The following RFTN1 variants were observed in gnomAD, a reference collection of about 807,000 sequenced individuals.
RFTN1 encodes raftlin.
RFTN1 carries 26 observed loss-of-function variants against 46.5 expected under a neutral mutation model. The ratio of observed to expected loss-of-function variants is 0.56; its 90% CI spans 0.41 to 0.78. The LOEUF (loss-of-function observed/expected upper bound fraction) is 0.78, where lower values mean the gene tolerates loss of function less well. Among genes scored for constraint, RFTN1 ranks in the 30% least tolerant of loss-of-function variants. RFTN1 has a pLI of 0.00. For missense variants in RFTN1, 693 were observed against 718.7 expected (o/e 0.96, Z 0.41); for synonymous variants, 261 against 284.2 (o/e 0.92, Z 0.82).
At position 16,448,603 on chromosome 3, in the gene RFTN1, T is replaced by G. The variant is rs1184259053; in HGVS notation, c.146-14566A>C. ...CTATTCCAAATTGGAGGAAAAAAAG[T>G]ACAACTTTTTACTGCCTTCATGTTT... On this transcript the variant is annotated intron_variant, in intron 2 of 9. Transcript: ENST00000334133. This position sits in a 1 kb window ranked among gnomAD's most constrained non-coding sequence, Gnocchi z 4.1. Among the ~76,000 whole-genome samples the G allele has an allele frequency of 6.6e-6, 1 of 152,148 alleles. No homozygotes were observed. The highest frequency in any genetic ancestry group is 1.9e-4 in the East Asian group (1 of 5,206).
chr3:16,390,656 A>C (rs368706724), intron 4 of RFTN1, among the ~76,000 whole-genome samples: 1 of 152,258 alleles, frequency 6.6e-6, no homozygotes, highest in Non-Finnish European at 1.5e-5. Flanking sequence ...CCCAGGCACC[A>C]TCAGAGTCAG....
Position 16,336,167 on chromosome 3 carries a change from C to T in RFTN1, c.1147-9291G>A, listed in dbSNP as rs372593917. ...GTGGAAGGCAGATGCTGGAACACGG[C>T]GGGCAGTGTTGCAGAAAACTCCACG... On this transcript the variant is annotated intron_variant, in intron 7 of 9. Transcript: ENST00000334133. The surrounding 1 kb of genome is among the most constrained non-coding windows in gnomAD (Gnocchi z 6.0). 6.4e-4 allele frequency among the ~76,000 whole-genome samples: 98 copies of T among 152,316 alleles called. No individual in the cohort carries two copies. The highest frequency in any genetic ancestry group is 1.4e-3 in the Admixed American group (22 of 15,302).
chr3:16,338,327 C>A lies in RFTN1; in HGVS notation c.1147-11451G>T, dbSNP rs531919317. 1.2e-4 allele frequency among the ~76,000 whole-genome samples: 18 copies of A among 152,330 alleles called. No individual in the cohort carries two copies. The highest frequency in any genetic ancestry group is 2.4e-4 in the Non-Finnish European group (16 of 68,026). ...CTGATCACAGGGAAGGTAATGAGGC[C>A]GGACATGCGGCGGCTAAGGGGCGAT... is the stretch of plus-strand genomic sequence containing the variant. On this transcript the variant is annotated intron_variant, in intron 7 of 9. Transcript: ENST00000334133. This position sits in a 1 kb window ranked among gnomAD's most constrained non-coding sequence, Gnocchi z 5.3.
At chr3:16,439,791 C>A (rs1282661346) in intron 2 of RFTN1, among the ~76,000 whole-genome samples, 1 of 152,164 alleles carries the variant, frequency 6.6e-6, no homozygotes, top group Non-Finnish European at 1.5e-5. Context: ...ACTAGGGATT[C>A]TGGGCTAACT....
chr3:16,331,349 A>G (rs2070293141), intron 7 of RFTN1, among the ~76,000 whole-genome samples: 1 of 152,240 alleles, frequency 6.6e-6, no homozygotes, highest in South Asian at 2.1e-4. Context: ...GTGCTCCCAT[A>G]AACATTTCTT....
rs9810456 is a variant in RFTN1, at chr3:16,407,628, T to C, written c.441+1747A>G. 6.3e-3 allele frequency among the ~76,000 whole-genome samples: 956 copies of C among 152,324 alleles called. 14 individuals are homozygous for C. The highest frequency in any genetic ancestry group is 0.022 in the African/African-American group (900 of 41,572). On this transcript the variant is annotated intron_variant, in intron 4 of 9. Transcript: ENST00000334133. This position sits in a 1 kb window ranked among gnomAD's most constrained non-coding sequence, Gnocchi z 4.0. Reference sequence around the variant, plus strand: ...CATTTCTAAAATGATTTTTTCCTGGTATTCGGATCATAGGGTAAATTCCAC... The same window carrying C: ...CATTTCTAAAATGATTTTTTCCTGGCATTCGGATCATAGGGTAAATTCCAC...
chr3:16,327,188 A>G lies in RFTN1; in HGVS notation c.1147-312T>C, dbSNP rs536112781. Among the ~76,000 whole-genome samples, 3 of 152,316 alleles carry G rather than the reference A, an allele frequency of 2.0e-5. No individual in the cohort carries two copies. The highest frequency in any genetic ancestry group is 7.2e-5 in the African/African-American group (3 of 41,572). Reference sequence around the variant, plus strand: ...CTCCTGTGAGTTTCACTGACGAAGCATAACTGTCTCACCTCTGAGCGGTAT... The same window carrying G: ...CTCCTGTGAGTTTCACTGACGAAGCGTAACTGTCTCACCTCTGAGCGGTAT... On this transcript the variant is annotated intron_variant, in intron 7 of 9. Transcript: ENST00000334133. This position sits in a 1 kb window ranked among gnomAD's most constrained non-coding sequence, Gnocchi z 4.2.
intron 1 of RFTN1, among the ~76,000 whole-genome samples, chr3:16,497,279 C>G (rs536497804): frequency 2.6e-5 from 4 of 152,162 alleles, no homozygotes; most frequent in Non-Finnish European, 4.4e-5. Context: ...CCAACAATAA[C>G]GTGAGGATGG....
chr3:16,446,427 C>T lies in RFTN1; in HGVS notation c.146-12390G>A, dbSNP rs1292529818. 1.3e-5 allele frequency among the ~76,000 whole-genome samples: 2 copies of T among 152,044 alleles called. No homozygotes were observed. The highest frequency in any genetic ancestry group is 1.9e-4 in the East Asian group (1 of 5,186). Reference sequence around the variant, plus strand: ...ATCTCCAGGAAATCTTCATCGGCCTCATCTCTCGGTCCACGTCCAACAAGC... The same window carrying T: ...ATCTCCAGGAAATCTTCATCGGCCTTATCTCTCGGTCCACGTCCAACAAGC... On this transcript the variant is annotated intron_variant, in intron 2 of 9. Coordinates refer to ENST00000334133, the MANE Select transcript of RFTN1 (RefSeq NM_015150.2). This position sits in a 1 kb window ranked among gnomAD's most constrained non-coding sequence, Gnocchi z 4.5.
intron 4 of RFTN1, among the ~76,000 whole-genome samples, chr3:16,395,969 A>C (rs2074458121): frequency 6.6e-6 from 1 of 152,212 alleles, no homozygotes; most frequent in African/African-American, 2.4e-5. Flanking sequence ...TGTTGAAAAG[A>C]TACTATTTTG....
rs998505090 is a variant in RFTN1 at position 16,362,197 on chromosome 3, T to C, written c.1031-4150A>G. Among the ~76,000 whole-genome samples the C allele has an allele frequency of 2.0e-4, 30 of 152,168 alleles. 1 individual carries two copies. The highest frequency in any genetic ancestry group is 7.2e-4 in the African/African-American group (30 of 41,426). On this transcript the variant is annotated intron_variant, in intron 6 of 9. Transcript: ENST00000334133. ...CTGATATTATCCCAACATAAGATAG[T>C]TCTCCATTTCAAGTAAGAGCCCTAT...
At chr3:16,487,019 A>T (rs2124980631) in intron 2 of RFTN1, among the ~76,000 whole-genome samples, 1 of 152,226 alleles carries the variant, frequency 6.6e-6, no homozygotes, top group Middle Eastern at 3.4e-3. Flanking sequence ...GTGAGGACAC[A>T]ATGAGAAGGC....
At chr3:16,398,683 G>T (rs2074532479) in intron 4 of RFTN1, among the ~76,000 whole-genome samples, 1 of 152,080 alleles carries the variant, frequency 6.6e-6, no homozygotes, top group African/African-American at 2.4e-5. Context: ...CAAAACACCA[G>T]GCCTCAGGCA....
Position 16,409,448 on chromosome 3 carries a change from A to G in RFTN1, c.368T>C (p.Ile123Thr). Reference sequence around the variant, plus strand: ...GGAGGAACAGCAATCTAATTCCAAGATGTAGCCTTCATTGTGAAGATCAGT... The same window carrying G: ...GGAGGAACAGCAATCTAATTCCAAGGTGTAGCCTTCATTGTGAAGATCAGT... The part of the protein sequence containing the change: ...QKTDLHNEGY[I>T]LELDCCSSLD... The change falls in exon 4 of 10, where the codon ATC becomes ACC. Residue 123 changes from isoleucine (I) to threonine (T), a missense_variant. By Grantham distance (89) the Ile-to-Thr change is moderately conservative. Transcript: ENST00000334133. 1 of 1,613,572 alleles carries G rather than the reference A, an allele frequency of 6.2e-7. No homozygotes were observed. Among genetic ancestry groups the G allele is most frequent in the Non-Finnish European group, 8.5e-7 (1 of 1,179,520 alleles).
At position 16,499,764 on chromosome 3, in the gene RFTN1, G is replaced by A. The variant is rs557873773; in HGVS notation, c.-8-5887C>T. ...GCCTGCTTTTAAGGTCCCTGTTACA[G>A]CCATTCACCCTTTGAAGGGCATTTG... On this transcript the variant is annotated intron_variant, in intron 1 of 9. Coordinates refer to ENST00000334133, the MANE Select transcript of RFTN1 (RefSeq NM_015150.2). The surrounding 1 kb of genome is among the most constrained non-coding windows in gnomAD (Gnocchi z 4.9). Among the ~76,000 whole-genome samples, 1 of 152,332 alleles carries A rather than the reference G, an allele frequency of 6.6e-6. No homozygotes were observed. The highest frequency in any genetic ancestry group is 2.4e-5 in the African/African-American group (1 of 41,568).
In RFTN1 at chr3:16,457,767, T is replaced by C. The variant is rs565366017; in HGVS notation, c.146-23730A>G. ...CCATTAAGACTTAATTCGATAGACA[T>C]GGCTGTGGTCTGAATGTGTCTCCCC... On this transcript the variant is annotated intron_variant, in intron 2 of 9. Coordinates refer to ENST00000334133, the MANE Select transcript of RFTN1 (RefSeq NM_015150.2). This position sits in a 1 kb window ranked among gnomAD's most constrained non-coding sequence, Gnocchi z 4.2. 6.6e-6 allele frequency among the ~76,000 whole-genome samples: 1 copy of C among 152,312 alleles called. No homozygotes were observed. Among genetic ancestry groups the C allele is most frequent in the South Asian group, 2.1e-4 (1 of 4,820 alleles).
intron 4 of RFTN1, among the ~76,000 whole-genome samples, chr3:16,399,421 T>C (rs1364533744): frequency 1.3e-5 from 2 of 152,224 alleles, no homozygotes; most frequent in East Asian, 1.9e-4. Context: ...AGGTTGCCAG[T>C]GACTTCATGG....
chr3:16,336,165 G>A lies in RFTN1; in HGVS notation c.1147-9289C>T, dbSNP rs546042914. On this transcript the variant is annotated intron_variant, in intron 7 of 9. Transcript: ENST00000334133. The surrounding 1 kb of genome is among the most constrained non-coding windows in gnomAD (Gnocchi z 6.0). The stretch of plus-strand genomic sequence containing the variant: ...AAGTGGAAGGCAGATGCTGGAACAC[G>A]GCGGGCAGTGTTGCAGAAAACTCCA... 2.6e-5 allele frequency among the ~76,000 whole-genome samples: 4 copies of A among 152,352 alleles called. No individual in the cohort carries two copies. The highest frequency in any genetic ancestry group is 4.1e-4 in the South Asian group (2 of 4,826).
Position 16,447,075 on chromosome 3 carries a change from C to T in RFTN1, c.146-13038G>A, listed in dbSNP as rs184771798. 2.0e-5 allele frequency among the ~76,000 whole-genome samples: 3 copies of T among 152,320 alleles called. No individual in the cohort carries two copies. In the East Asian group the frequency reaches 5.8e-4, roughly 29 times the overall value. On this transcript the variant is annotated intron_variant, in intron 2 of 9. Coordinates refer to ENST00000334133, the MANE Select transcript of RFTN1 (RefSeq NM_015150.2). The surrounding 1 kb of genome is among the most constrained non-coding windows in gnomAD (Gnocchi z 5.9). ...ACCACTCATTTGTTCAAAGGCACCA[C>T]CCCAAGACACACCAGCAAATTCCTA... is the stretch of plus-strand genomic sequence containing the variant.
Sources: gnomAD v4.1 joint callset for allele counts (sites outside exome capture counted in the v4.1 genomes callset) on GRCh38, gnomAD v4.1.1 for gene constraint, Gnocchi (gnomAD v3.1) non-coding constraint, MANE v1.5 for transcripts, NCBI Gene and HGNC (gene_info 2026-07-23, HGNC 2026-07-21) for gene names.